Variants in CRHBP observed in about 807,000 individuals in gnomAD.
The protein encoded by CRHBP is corticotropin-releasing hormone-binding protein.
A neutral mutation model predicts 34.9 loss-of-function variants in CRHBP; 19 were observed. That is an observed-to-expected ratio of 0.55 (90% CI 0.38 to 0.80). The LOEUF is 0.80. Ranked by LOEUF, CRHBP falls within the 30% of genes least tolerant of loss-of-function variation. The pLI, the probability that CRHBP is intolerant of heterozygous loss-of-function variation, is 0.00. For synonymous variants in CRHBP, 154 were observed against 153.4 expected (o/e 1.00, Z -0.03); for missense variants, 328 against 409.2 (o/e 0.80, Z 1.71).
In CRHBP at chr5:76,954,196, C is replaced by G. The variant is rs1405849358; in HGVS notation, c.333+10C>G. ...CGGCGACTTCCTGAAGGTGAGGCGC[C>G]CACGGCCAGCCAACCTAGCCGGAGG... is the stretch of plus-strand genomic sequence containing the variant. On this transcript the variant is annotated intron_variant, in intron 3 of 6. Coordinates refer to ENST00000274368, the MANE Select transcript of CRHBP (RefSeq NM_001882.4). 3.7e-6 allele frequency: 6 copies of G among 1,610,074 alleles called. No homozygotes were observed. The East Asian group carries it at 1.3e-4, about 36-fold the overall frequency.
chr5:76,972,081 A>ATGCAGGCTGGAG (rs1242070154), downstream of CRHBP, among the ~76,000 whole-genome samples: 2 of 151,948 alleles, frequency 1.3e-5, no homozygotes, highest in Non-Finnish European at 2.9e-5. Context: ...TTGCTCTATT[A>ATGCAGGCTGGAG]TGCAGGCTGG....
At chr5:76,968,622 G>A in intron 6 of CRHBP, 106 bp from the exon 7 acceptor site, 3 of 1,161,204 alleles carry the variant, frequency 2.6e-6, no homozygotes, top group Non-Finnish European at 3.6e-6. Context: ...ATGAGAGGAA[G>A]ATAGGTCTCC....
intron 4 of CRHBP, 107 bp from the exon 5 acceptor site, chr5:76,958,634 G>T (rs1214824603): frequency 8.0e-7 from 1 of 1,250,974 alleles, no homozygotes; most frequent in Non-Finnish European, 1.1e-6. Context: ...CTGGGCAGAA[G>T]GCCCTAGATC....
chr5:76,968,601 G>A (rs150304013), intron 6 of CRHBP, 127 bp from the exon 7 acceptor site: 2 of 818,634 alleles, frequency 2.4e-6, no homozygotes, highest in African/African-American at 3.5e-5. Context: ...GTAGATGCAT[G>A]GTTTGGGTAC....
At chr5:76,958,067 G>T (rs1340938612) in intron 4 of CRHBP, among the ~76,000 whole-genome samples, 1 of 151,888 alleles carries the variant, frequency 6.6e-6, no homozygotes, top group East Asian at 1.9e-4. Context: ...GCTGAGGCAG[G>T]AGAATCACTT....
chr5:76,969,030 CAT>C lies in CRHBP; in HGVS notation c.*147_*148del, dbSNP rs200473063. On this transcript the variant is annotated 3_prime_UTR_variant, in exon 7 of 7. Coordinates refer to ENST00000274368, the MANE Select transcript of CRHBP (RefSeq NM_001882.4). ...GCGCACGCGCGCACACACACACACACATACACACACGCATTAATTTTTGTACT... is the reference window on the plus strand; with the variant it reads ...GCGCACGCGCGCACACACACACACACACACACACGCATTAATTTTTGTACT... 134 of 729,956 alleles carry C rather than the reference CAT, an allele frequency of 1.8e-4. No homozygotes were observed. Among genetic ancestry groups the C allele is most frequent in the Middle Eastern group, 3.6e-4 (1 of 2,776 alleles). 45.2% of individuals were successfully genotyped at this position (729,956 alleles called of 1,614,324 possible). A position where few individuals can be genotyped will look rare whatever the true frequency, so the allele number is the denominator to read the frequency against.
At chr5:76,953,919 C>A in intron 2 of CRHBP, 110 bp from the exon 3 acceptor site, 1 of 1,350,656 alleles carries the variant, frequency 7.4e-7, no homozygotes, top group Non-Finnish European at 9.9e-7. Context: ...GAAGTCGGGG[C>A]GCTGGGCACT....
At chr5:76,977,209 A>T (rs1746046371) in intron 3 of CRHBP, among the ~76,000 whole-genome samples, 1 of 152,242 alleles carries the variant, frequency 6.6e-6, no homozygotes, top group Admixed American at 6.5e-5. Flanking sequence ...TCTAAGATTG[A>T]TAATAAGAAA....
chr5:76,977,170 AAAAAC>A (rs1263782627), intron 3 of CRHBP, among the ~76,000 whole-genome samples: 2 of 152,228 alleles, frequency 1.3e-5, no homozygotes, highest in Non-Finnish European at 2.9e-5. Context: ...CTGCAGGTTT[AAAAAC>A]AAAACAAAAC....
At position 76,975,861 on chromosome 5, in the gene CRHBP, TAC is replaced by T. The variant is rs10683419; in HGVS notation, n.312-496_312-495del. On this transcript the variant is annotated intron_variant and non_coding_transcript_variant, in intron 2 of 3. Transcript: ENST00000514258. Reference sequence around the variant, plus strand: ...ATATATATATACACGCATATATATATACACACACATATACATGCATATATACA... The same window carrying T: ...ATATATATATACACGCATATATATATACACACATATACATGCATATATACA... Among the ~76,000 whole-genome samples, 8 of 107,236 alleles carry T rather than the reference TAC, an allele frequency of 7.5e-5. No homozygotes were observed. In the South Asian group the frequency reaches 2.1e-3, roughly 28 times the overall value. The allele number at this position is 107,236 out of a possible 152,430, so 70.4% of individuals were successfully genotyped here. A position where few individuals can be genotyped will look rare whatever the true frequency, so the allele number is the denominator to read the frequency against.
At chr5:76,964,761 C>A (rs1011985542) in intron 6 of CRHBP, among the ~76,000 whole-genome samples, 2 of 152,128 alleles carry the variant, frequency 1.3e-5, no homozygotes, top group Non-Finnish European at 1.5e-5. Flanking sequence ...GAGGCTGAAG[C>A]AGGAGAATTG....
intron 5 of CRHBP, among the ~76,000 whole-genome samples, chr5:76,960,569 C>G (rs1038334238): frequency 6.6e-6 from 1 of 152,058 alleles, no homozygotes; most frequent in African/African-American, 2.4e-5. Context: ...TTTTATGGCT[C>G]TGGTGAGATG....
At chr5:76,965,723 C>T (rs960200279) in intron 6 of CRHBP, among the ~76,000 whole-genome samples, 2 of 152,158 alleles carry the variant, frequency 1.3e-5, no homozygotes, top group Non-Finnish European at 2.9e-5. Context: ...CCTACATTAC[C>T]TAGGTAACTG....
chr5:76,980,857 C>G (rs1334579240), intron 3 of CRHBP: 1 of 152,112 alleles, frequency 6.6e-6, no homozygotes, highest in Non-Finnish European at 1.5e-5. Context: ...AAAATTTTTC[C>G]TTGTACTCAG....
At chr5:76,957,019 T>TC (rs972820797) in intron 4 of CRHBP, among the ~76,000 whole-genome samples, 1 of 151,966 alleles carries the variant, frequency 6.6e-6, no homozygotes, top group African/African-American at 2.4e-5. Flanking sequence ...ATAAAGAGTT[T>TC]CCCCTATATT....
At chr5:76,977,825 AGCTAAGCGT>A (rs1746062352) in intron 3 of CRHBP, among the ~76,000 whole-genome samples, 1 of 152,246 alleles carries the variant, frequency 6.6e-6, no homozygotes, top group African/African-American at 2.4e-5. Flanking sequence ...AGAGGCTAAA[AGCTAAGCGT>A]CTTATTCCAA....
intron 2 of CRHBP, 60 bp downstream of exon 2, chr5:76,953,754 C>CG (rs1351572958): frequency 3.7e-5 from 55 of 1,500,230 alleles, no homozygotes; most frequent in Non-Finnish European, 4.3e-5. Flanking sequence ...GGACTCTGTG[C>CG]GGGGGGCAGA....
rs1373712702 is a variant in CRHBP at position 76,968,890 on chromosome 5, C to T, written c.*5C>T. 6.2e-7 allele frequency: 1 copy of T among 1,612,256 alleles called. No homozygotes were observed. Among genetic ancestry groups the T allele is most frequent in the Admixed American group, 1.7e-5 (1 of 59,834 alleles). ...TTCTGTTTGTCTGGTCTTTGAATAA[C>T]CAACCCAGTGATTTACATGCTGATA... is the stretch of plus-strand genomic sequence containing the variant. On this transcript the variant is annotated 3_prime_UTR_variant, in exon 7 of 7. Transcript: ENST00000274368.
downstream of CRHBP, among the ~76,000 whole-genome samples, chr5:76,972,197 A>AT (rs199603309): frequency 0.023 from 3,449 of 151,176 alleles, 138 homozygotes; most frequent in African/African-American, 0.08. Flanking sequence ...CCTGTGGCTA[A>AT]TTAAAAAAAA....
Sources: gnomAD v4.1 joint callset for allele counts (sites outside exome capture counted in the v4.1 genomes callset) on GRCh38, gnomAD v4.1.1 for gene constraint, MANE v1.5 for transcripts, NCBI Gene and HGNC (gene_info 2026-07-23, HGNC 2026-07-21) for gene names.